The following SUGCT variants were observed in gnomAD, a reference collection of about 807,000 sequenced individuals.
The protein encoded by SUGCT is succinyl-CoA:glutarate CoA-transferase.
SUGCT carries 41 observed loss-of-function variants against 55.0 expected under a neutral mutation model. The observed-to-expected ratio is 0.74, with a 90% CI of 0.58 to 0.97. SUGCT has a LOEUF of 0.97. Ranked by LOEUF, SUGCT falls within the 50% of genes least tolerant of loss-of-function variation. SUGCT has a pLI of 0.00. For synonymous variants in SUGCT, 187 were observed against 200.4 expected (o/e 0.93, Z 0.56); for missense variants, 568 against 547.8 (o/e 1.04, Z -0.37).
chr7:40,512,491 T>C (rs1328592976), intron 12 of SUGCT, among the ~76,000 whole-genome samples: 1 of 152,234 alleles, frequency 6.6e-6, no homozygotes, highest in Non-Finnish European at 1.5e-5. Flanking sequence ...CCTGGCTTTT[T>C]CTTTGGGCTC....
At chr7:40,983,492 C>T in the SUGCT span, among the ~76,000 whole-genome samples, 3 of 152,182 alleles carry the variant, frequency 2.0e-5, no homozygotes, top group Admixed American at 6.5e-5. Context: ...CAAAGTCCTG[C>T]CGGCACTGGA....
chr7:40,258,599 G>C (rs940881831), intron 7 of SUGCT, among the ~76,000 whole-genome samples: 2 of 152,088 alleles, frequency 1.3e-5, no homozygotes, highest in Admixed American at 6.6e-5. Context: ...GGCTGGTCTC[G>C]AACTCCTGAC....
At chr7:40,709,472 G>A (rs1785590856) in intron 12 of SUGCT, among the ~76,000 whole-genome samples, 3 of 152,200 alleles carry the variant, frequency 2.0e-5, no homozygotes, top group African/African-American at 7.2e-5. Flanking sequence ...TCTAGCCTTG[G>A]TCTGGTCCCC....
At chr7:40,578,560 C>A (rs1796902926) in intron 12 of SUGCT, among the ~76,000 whole-genome samples, 1 of 152,126 alleles carries the variant, frequency 6.6e-6, no homozygotes, top group Non-Finnish European at 1.5e-5. Context: ...AACATTTTTC[C>A]TCTTCAGTGG....
chr7:40,651,870 T>G (rs1800799567), intron 12 of SUGCT, among the ~76,000 whole-genome samples: 1 of 152,208 alleles, frequency 6.6e-6, no homozygotes, highest in Non-Finnish European at 1.5e-5. Flanking sequence ...AATGCATATT[T>G]TAATTCTAAT....
chr7:40,377,715 G>T (rs1378064127), intron 9 of SUGCT, among the ~76,000 whole-genome samples: 1 of 152,172 alleles, frequency 6.6e-6, no homozygotes, highest in African/African-American at 2.4e-5. Context: ...GTGGATTTTA[G>T]TTACTATATA....
chr7:40,308,229 C>T (rs185220439), intron 8 of SUGCT, among the ~76,000 whole-genome samples: 161 of 152,116 alleles, frequency 1.1e-3, no homozygotes, highest in African/African-American at 3.5e-3. Context: ...ACTCACTACT[C>T]GGGTGAAAGG....
intron 13 of SUGCT, among the ~76,000 whole-genome samples, chr7:40,777,452 GT>G (rs35350371): frequency 1.9e-4 from 28 of 147,682 alleles, no homozygotes; most frequent in African/African-American, 3.0e-4. Flanking sequence ...TCCATGGTGG[GT>G]TTTTTTTTTT....
At chr7:40,269,834 A>T (rs1352524616) in intron 7 of SUGCT, among the ~76,000 whole-genome samples, 1 of 152,086 alleles carries the variant, frequency 6.6e-6, no homozygotes, top group Non-Finnish European at 1.5e-5. Context: ...TTTGCGTTGT[A>T]AGTGTTCTTT....
intron 9 of SUGCT, among the ~76,000 whole-genome samples, chr7:40,382,900 A>T (rs1441600169): frequency 3.9e-5 from 6 of 152,164 alleles, no homozygotes; most frequent in Non-Finnish European, 2.9e-5. Flanking sequence ...ACTAATAAAG[A>T]TGTGTCTGCT....
the SUGCT span, among the ~76,000 whole-genome samples, chr7:40,881,042 A>C: frequency 1.3e-5 from 2 of 152,200 alleles, no homozygotes; most frequent in African/African-American, 2.4e-5. Context: ...TAGAAAACAT[A>C]ACAGAACATA....
the SUGCT span, among the ~76,000 whole-genome samples, chr7:41,023,990 G>A: frequency 6.6e-6 from 1 of 152,146 alleles, no homozygotes; most frequent in Non-Finnish European, 1.5e-5. Context: ...TCATGATCAA[G>A]CTCTGGTAAT....
At chr7:40,245,404 C>CACACATATATATATATATAT (rs1252155153) in intron 7 of SUGCT, among the ~76,000 whole-genome samples, 1 of 53,312 alleles carries the variant, frequency 1.9e-5, no homozygotes, top group African/African-American at 9.3e-5. Context: ...ACGTAGTAGA[C>CACACATATATATATATATAT]ATATATATAT....
At chr7:40,764,706 G>A (rs943065545) in intron 13 of SUGCT, among the ~76,000 whole-genome samples, 3 of 152,194 alleles carry the variant, frequency 2.0e-5, no homozygotes, top group Non-Finnish European at 4.4e-5. Flanking sequence ...AATTGGGGCT[G>A]TTTTACTGCA....
chr7:40,912,350 G>A, the SUGCT span, among the ~76,000 whole-genome samples: 1 of 152,064 alleles, frequency 6.6e-6, no homozygotes, highest in African/African-American at 2.4e-5. Flanking sequence ...TTGCTTGTAT[G>A]ACATTTTGTT....
At chr7:40,417,353 A>G (rs1479560397) in intron 9 of SUGCT, among the ~76,000 whole-genome samples, 3 of 151,874 alleles carry the variant, frequency 2.0e-5, no homozygotes, top group Non-Finnish European at 2.9e-5. Context: ...ACATTTTTCT[A>G]TAAGCAAGAC....
At position 40,234,909 on chromosome 7, in the gene SUGCT, A is replaced by C. The variant is rs1788924651; in HGVS notation, c.485-2726A>C. On this transcript the variant is annotated intron_variant, in intron 6 of 13. Transcript: ENST00000335693. ...GGGTGACAGAGTGAGACCCAGTTTC[A>C]AAAAAAAGAAAAAAGAAAAAAAAAA... Among the ~76,000 whole-genome samples, 7 of 151,850 alleles carry C rather than the reference A, an allele frequency of 4.6e-5. No homozygotes were observed. The South Asian group carries it at 1.5e-3, about 32-fold the overall frequency.
intron 13 of SUGCT, among the ~76,000 whole-genome samples, chr7:40,767,533 G>A (rs1465697905): frequency 6.6e-6 from 1 of 152,128 alleles, no homozygotes; most frequent in Non-Finnish European, 1.5e-5. Flanking sequence ...ACTTGGAACT[G>A]GGCAGGCCAA....
rs1784595913 is a variant in SUGCT at position 40,377,146 on chromosome 7, CT to C, written c.816+60294del. On this transcript the variant is annotated intron_variant, in intron 9 of 13. Transcript: ENST00000335693. Reference sequence around the variant, plus strand: ...AGCCTTCCTCTTTCTTTCTTTCTTTCTTTCTTTCTTTCTTTCTTTCTTTCTT... The same window carrying C: ...AGCCTTCCTCTTTCTTTCTTTCTTTCTTCTTTCTTTCTTTCTTTCTTTCTT... Among the ~76,000 whole-genome samples, 5 of 14,316 alleles carry C rather than the reference CT, an allele frequency of 3.5e-4. 1 individual carries two copies. Among genetic ancestry groups the C allele is most frequent in the African/African-American group, 5.8e-4 (5 of 8,652 alleles). The allele number at this position is 14,316 out of a possible 152,430, so 9.4% of individuals were successfully genotyped here.
Sources: allele counts gnomAD v4.1 joint callset (sites outside exome capture counted in the v4.1 genomes callset), GRCh38; gene constraint gnomAD v4.1.1; transcripts MANE v1.5; gene names NCBI Gene and HGNC (gene_info 2026-07-23, HGNC 2026-07-21).